Variants in OSBPL1A observed in about 807,000 individuals in gnomAD.
OSBPL1A encodes the protein oxysterol-binding protein-related protein 1.
Under a neutral mutation model 137.1 loss-of-function variants are expected in OSBPL1A, and 80 were observed. The ratio of observed to expected loss-of-function variants is 0.58; its 90% CI spans 0.49 to 0.70. The LOEUF is 0.70. Ranked by LOEUF, OSBPL1A falls within the 30% of genes least tolerant of loss-of-function variation. The pLI, the probability that OSBPL1A is intolerant of heterozygous loss-of-function variation, is 0.00. For missense variants in OSBPL1A, 970 were observed against 1,129.4 expected (o/e 0.86, Z 2.02); for synonymous variants, 365 against 389.7 (o/e 0.94, Z 0.75).
chr18:24,213,260 CTATTT>C (rs2087597158), intron 17 of OSBPL1A, among the ~76,000 whole-genome samples: 1 of 152,060 alleles, frequency 6.6e-6, no homozygotes, highest in Admixed American at 6.6e-5. Flanking sequence ...ACTTGGTTTC[CTATTT>C]TAAGTTTAAT....
intron 24 of OSBPL1A, 106 bp downstream of exon 24, chr18:24,170,217 CAAGG>C: frequency 1.5e-6 from 2 of 1,290,366 alleles, no homozygotes; most frequent in Non-Finnish European, 2.1e-6. Flanking sequence ...GCATTAGCAA[CAAGG>C]AAGAAGAAAG....
intron 18 of OSBPL1A, among the ~76,000 whole-genome samples, chr18:24,184,459 C>T (rs1348094156): frequency 6.6e-6 from 1 of 152,178 alleles, no homozygotes; most frequent in Admixed American, 6.5e-5. Flanking sequence ...CTCTCTCTTC[C>T]CTTTATTCCT....
chr18:24,386,386 C>G (rs1906965386), intron 1 of OSBPL1A, among the ~76,000 whole-genome samples: 1 of 152,150 alleles, frequency 6.6e-6, no homozygotes, highest in African/African-American at 2.4e-5. Flanking sequence ...GCAATTAATA[C>G]TACATATTCC....
At chr18:24,307,423 A>G (rs1403674646) in intron 13 of OSBPL1A, among the ~76,000 whole-genome samples, 1 of 152,266 alleles carries the variant, frequency 6.6e-6, no homozygotes, top group African/African-American at 2.4e-5. Flanking sequence ...GTATTTACAT[A>G]AAGTAAAAAT....
At chr18:24,233,331 T>C (rs1434707986) in intron 16 of OSBPL1A, among the ~76,000 whole-genome samples, 1 of 152,154 alleles carries the variant, frequency 6.6e-6, no homozygotes, top group East Asian at 1.9e-4. Flanking sequence ...TGTAAACCCC[T>C]TGGGAACAAA....
chr18:24,225,609 C>G (rs1350209995), intron 16 of OSBPL1A, among the ~76,000 whole-genome samples: 75 of 152,206 alleles, frequency 4.9e-4, no homozygotes, highest in African/African-American at 1.8e-3. Context: ...AGCTAGCTGT[C>G]CTTATGAGAA....
At chr18:24,254,349 C>A (rs932631061) in intron 15 of OSBPL1A, among the ~76,000 whole-genome samples, 1 of 152,128 alleles carries the variant, frequency 6.6e-6, no homozygotes, top group Non-Finnish European at 1.5e-5. Flanking sequence ...AACAAACAGA[C>A]CTAATAGATA....
chr18:24,349,039 C>T (rs2091394543), intron 4 of OSBPL1A, among the ~76,000 whole-genome samples: 1 of 152,148 alleles, frequency 6.6e-6, no homozygotes, highest in South Asian at 2.1e-4. Flanking sequence ...TGGTGATGCA[C>T]ACCTGTAGTC....
In OSBPL1A at chr18:24,227,294, C is replaced by T. The variant is rs558368144; in HGVS notation, c.1445-2096G>A. On this transcript the variant is annotated intron_variant, in intron 16 of 27. Transcript: ENST00000319481. ...ATCATTGAAAAAAAATTAAAAACAA[C>T]CTAAATAGTCAATAAGAGGGGGACA... Among the ~76,000 whole-genome samples the T allele has an allele frequency of 5.9e-5, 9 of 151,924 alleles. No homozygotes were observed. In the South Asian group the frequency reaches 1.7e-3, roughly 28 times the overall value.
rs190305984 is a variant in OSBPL1A at position 24,320,959 on chromosome 18, G to T, written c.626-2150C>A. ...CAGGAGAATCACTTGAACCTGAGAG[G>T]CGGAGTTGCAGTGAGCTGAGATCGC... On this transcript the variant is annotated intron_variant, in intron 7 of 27. Coordinates refer to ENST00000319481, the MANE Select transcript of OSBPL1A (RefSeq NM_080597.4). 5.7e-4 allele frequency among the ~76,000 whole-genome samples: 86 copies of T among 150,678 alleles called. No individual in the cohort carries two copies. The East Asian group carries it at 0.013, about 23-fold the overall frequency.
At chr18:24,358,949 G>T (rs2091579818) in intron 4 of OSBPL1A, among the ~76,000 whole-genome samples, 1 of 152,096 alleles carries the variant, frequency 6.6e-6, no homozygotes, top group South Asian at 2.1e-4. Context: ...GGGCACGGTG[G>T]CTCATGCCTA....
At chr18:24,261,575 G>A (rs370971622) in intron 15 of OSBPL1A, among the ~76,000 whole-genome samples, 23 of 152,140 alleles carry the variant, frequency 1.5e-4, no homozygotes, top group African/African-American at 3.9e-4. Context: ...GCTCACACCC[G>A]TAATCCCAGC....
intron 15 of OSBPL1A, among the ~76,000 whole-genome samples, chr18:24,258,304 C>T (rs1599575401): frequency 6.6e-6 from 1 of 152,142 alleles, no homozygotes; most frequent in South Asian, 2.1e-4. Context: ...GAACAAGATC[C>T]TATCATTTGC....
intron 16 of OSBPL1A, among the ~76,000 whole-genome samples, chr18:24,232,257 G>A (rs1045493116): frequency 4.6e-5 from 7 of 152,240 alleles, no homozygotes; most frequent in African/African-American, 1.4e-4. Context: ...ACTGAAAACC[G>A]GGATGAGTCC....
At chr18:24,227,967 CT>C (rs956805738) in intron 16 of OSBPL1A, among the ~76,000 whole-genome samples, 41 of 152,122 alleles carry the variant, frequency 2.7e-4, no homozygotes, top group African/African-American at 9.4e-4. Flanking sequence ...AAGGCAGGGA[CT>C]TACCCACCTA....
intron 17 of OSBPL1A, among the ~76,000 whole-genome samples, chr18:24,199,152 C>T (rs987281717): frequency 4.6e-5 from 7 of 152,136 alleles, no homozygotes; most frequent in Non-Finnish European, 8.8e-5. Flanking sequence ...AGCCACCACA[C>T]CTGGCCCAGG....
Position 24,271,873 on chromosome 18 carries a change from G to T in OSBPL1A, c.1281+8969C>A. ...CGGGCAGAGGCGTTGCCCGCCAGCG[G>T]CCCAGGACTCCCGCGCCGCGCCCGC... On this transcript the variant is annotated intron_variant, in intron 15 of 27. Transcript: ENST00000319481. This position sits in a 1 kb window ranked among gnomAD's most constrained non-coding sequence, Gnocchi z 4.0. The T allele has an allele frequency of 1.0e-6, 1 of 985,036 alleles. No homozygotes were observed. The highest frequency in any genetic ancestry group is 1.2e-6 in the Non-Finnish European group (1 of 829,884). The allele number at this position is 985,036 out of a possible 1,614,324, so 61.0% of individuals were successfully genotyped here.
intron 15 of OSBPL1A, among the ~76,000 whole-genome samples, chr18:24,257,575 A>G (rs2089320386): frequency 6.6e-6 from 1 of 152,158 alleles, no homozygotes; most frequent in Non-Finnish European, 1.5e-5. Flanking sequence ...CTGGGCAAAT[A>G]TTTCTTAGTA....
intron 1 of OSBPL1A, among the ~76,000 whole-genome samples, chr18:24,390,513 A>G (rs1907259956): frequency 6.6e-6 from 1 of 150,850 alleles, no homozygotes. Context: ...CCAACAGACC[A>G]CGGAAACCCC....
Sources: gnomAD v4.1 joint callset for allele counts (sites outside exome capture counted in the v4.1 genomes callset) on GRCh38, gnomAD v4.1.1 for gene constraint, Gnocchi (gnomAD v3.1) non-coding constraint, MANE v1.5 for transcripts, NCBI Gene and HGNC (gene_info 2026-07-23, HGNC 2026-07-21) for gene names.